RHOBTB1: variants seen among roughly 807,000 people sequenced by gnomAD.
RHOBTB1 encodes Rho related BTB domain containing 1.
In RHOBTB1, 40 loss-of-function variants were observed where a neutral mutation model predicts 71.6. The ratio of observed to expected loss-of-function variants is 0.56; its 90% confidence interval spans 0.43 to 0.73. The LOEUF is 0.73. Among genes scored for constraint, RHOBTB1 ranks in the 30% least tolerant of loss-of-function variants. The pLI is 0.00. For synonymous variants in RHOBTB1, 319 were observed against 334.9 expected, an observed-to-expected ratio of 0.95 and a Z score of 0.52; for missense variants, 797 against 894.0, an observed-to-expected ratio of 0.89 and a Z score of 1.38.
At chr10:60,889,781 T>C (rs1372139005) in intron 5 of RHOBTB1, among the ~76,000 whole-genome samples, 4 of 152,176 alleles carry the variant, frequency 2.6e-5, no homozygotes, top group African/African-American at 9.7e-5. Context: ...GGAATAATAA[T>C]AACAATGAGT....
At chr10:60,999,946 T>C (rs2087199196) in intron 1 of RHOBTB1, among the ~76,000 whole-genome samples, 1 of 152,246 alleles carries the variant, frequency 6.6e-6, no homozygotes. Context: ...CAAAGTTTCA[T>C]AGGATGTGAA....
chr10:60,879,645 G>A (rs149662770), intron 7 of RHOBTB1, among the ~76,000 whole-genome samples: 46 of 152,016 alleles, frequency 3.0e-4, no homozygotes, highest in African/African-American at 1.0e-3. Flanking sequence ...GTGACTGGCC[G>A]GTTATGAACT....
Position 60,888,955 on chromosome 10 carries a change from GC to G in RHOBTB1, c.712del (p.Ala238ProfsTer60), listed in dbSNP as rs1320244735. 3 of 1,614,054 alleles carry G rather than the reference GC, an allele frequency of 1.9e-6. No homozygotes were observed. Among genetic ancestry groups the G allele is most frequent in the Non-Finnish European group, 8.5e-7 (1 of 1,180,042 alleles). On this transcript the variant is annotated frameshift_variant, in exon 6 of 11. Transcript: ENST00000337910. LOFTEE classifies it high-confidence loss of function. ...TGGAATTTTGATGACCGGTGGAGGG[GC>G]TTTTGGAGGTAGGAAGGGTGCCTGA... ...LLQAPFLPPK[A>X]PPPVIKIPEC... is the part of the protein sequence containing the mutation.
At chr10:60,915,030 T>C (rs1288001416) in intron 2 of RHOBTB1, among the ~76,000 whole-genome samples, 1 of 152,196 alleles carries the variant, frequency 6.6e-6, no homozygotes, top group East Asian at 1.9e-4. Flanking sequence ...GAAAATCTTT[T>C]ATTTGGAGTA....
chr10:61,001,043 A>T (rs1245420226), intron 1 of RHOBTB1, among the ~76,000 whole-genome samples: 1 of 149,424 alleles, frequency 6.7e-6, no homozygotes, highest in Non-Finnish European at 1.5e-5. Flanking sequence ...CGCCTCCGCC[A>T]GTGTGTGTGT....
intron 2 of RHOBTB1, among the ~76,000 whole-genome samples, chr10:60,917,141 G>A (rs1040259127): frequency 2.6e-5 from 4 of 152,190 alleles, no homozygotes; most frequent in African/African-American, 7.2e-5. Context: ...AAGTTTTGAC[G>A]TTTGTTACAG....
rs2081739121 is a variant in RHOBTB1, at chr10:60,888,688, A to T, written c.980T>A (p.Val327Asp). 6.2e-7 allele frequency: 1 copy of T among 1,614,000 alleles called. No individual in the cohort carries two copies. Among genetic ancestry groups the T allele is most frequent in the African/African-American group, 1.3e-5 (1 of 74,910 alleles). The change falls in exon 6 of 11, where the codon GTC (valine) becomes GAC (aspartate). Residue 327 changes from valine (V) to aspartate (D), a missense_variant. Physicochemically the swap from Val to Asp is radical, Grantham distance 152. Around this residue, in one of 2 missense-constraint regions of RHOBTB1, gnomAD observed 658 missense variants for 681.5 expected, o/e 0.97. Coordinates refer to ENST00000337910, the MANE Select transcript of RHOBTB1 (RefSeq NM_014836.5). Reference protein sequence around the residue: ...SRDFQGRILSVDPEEEREEGP... With the variant: ...SRDFQGRILSDDPEEEREEGP... ...CTCCTCCCTTTCTTCCTCTGGGTCG[A>T]CACTCAATATCCGCCCCTGGAAATC...
At chr10:60,865,008 A>G (rs77100290), downstream of RHOBTB1, among the ~76,000 whole-genome samples, 1,675 of 152,272 alleles carry the variant, frequency 0.011, 45 homozygotes, top group African/African-American at 0.038. Context: ...TTATTTTAAA[A>G]GAAATCTCAG....
chr10:60,874,031 C>A (rs2080927479), intron 9 of RHOBTB1, among the ~76,000 whole-genome samples: 4 of 152,246 alleles, frequency 2.6e-5, no homozygotes, highest in African/African-American at 7.2e-5. Context: ...AGGGCCTGAG[C>A]AGCACCTGCT....
intron 2 of RHOBTB1, among the ~76,000 whole-genome samples, chr10:60,916,733 G>A (rs191425464): frequency 3.9e-5 from 6 of 152,280 alleles, no homozygotes; most frequent in East Asian, 1.9e-4. Context: ...CGGAATCCGC[G>A]GAACTTGTGA....
intron 2 of RHOBTB1, among the ~76,000 whole-genome samples, chr10:60,933,139 C>G (rs2084357096): frequency 6.6e-6 from 1 of 152,180 alleles, no homozygotes; most frequent in Non-Finnish European, 1.5e-5. Flanking sequence ...TTCTTAAGAT[C>G]TCTTACTTTA....
At chr10:60,968,307 G>A (rs1016131367) in intron 2 of RHOBTB1, among the ~76,000 whole-genome samples, 2 of 152,160 alleles carry the variant, frequency 1.3e-5, no homozygotes, top group African/African-American at 4.8e-5. Context: ...AGGTGTAGGA[G>A]TGTTCCTTTG....
At chr10:60,943,153 T>C (rs1403299225) in intron 1 of RHOBTB1, among the ~76,000 whole-genome samples, 1 of 152,232 alleles carries the variant, frequency 6.6e-6, no homozygotes, top group Non-Finnish European at 1.5e-5. Flanking sequence ...TGTGCTAACG[T>C]GCAAAGCGAA....
At chr10:60,977,535 T>C (rs2086356168) in intron 2 of RHOBTB1, among the ~76,000 whole-genome samples, 1 of 152,010 alleles carries the variant, frequency 6.6e-6, no homozygotes, top group Non-Finnish European at 1.5e-5. Flanking sequence ...CAGAGGCAAA[T>C]GATAAGATTT....
intron 4 of RHOBTB1, among the ~76,000 whole-genome samples, chr10:60,903,615 T>C (rs973650837): frequency 6.6e-6 from 1 of 151,986 alleles, no homozygotes; most frequent in Non-Finnish European, 1.5e-5. Context: ...TGGTGAAACG[T>C]TTCTTGCTAG....
At chr10:60,900,850 G>A (rs185015176) in intron 4 of RHOBTB1, among the ~76,000 whole-genome samples, 2 of 152,044 alleles carry the variant, frequency 1.3e-5, no homozygotes, top group African/African-American at 2.4e-5. Context: ...ATACGGCAGA[G>A]GTTAACCGGT....
rs186762120 is a variant in RHOBTB1, at chr10:60,939,394, A to T, written c.-11+2410T>A. On this transcript the variant is annotated intron_variant, in intron 2 of 10. Coordinates refer to ENST00000337910, the MANE Select transcript of RHOBTB1 (RefSeq NM_014836.5). ...TTCTATTTGTTTACAAACTAAAAAT[A>T]AAAAAATTATGATGCTAACAAATAA... Among the ~76,000 whole-genome samples the T allele has an allele frequency of 2.4e-4, 36 of 148,390 alleles. 1 individual carries two copies. The East Asian group carries it at 6.6e-3, about 27-fold the overall frequency.
At chr10:60,902,743 C>CATTT (rs1237463750) in intron 4 of RHOBTB1, among the ~76,000 whole-genome samples, 1 of 152,160 alleles carries the variant, frequency 6.6e-6, no homozygotes, top group Non-Finnish European at 1.5e-5. Flanking sequence ...GTTGATCCAT[C>CATTT]ATTTGTTATT....
At chr10:60,884,641 T>A (rs967939480) in intron 7 of RHOBTB1, among the ~76,000 whole-genome samples, 1 of 152,144 alleles carries the variant, frequency 6.6e-6, no homozygotes, top group African/African-American at 2.4e-5. Context: ...CACAATGGGA[T>A]ACTATATAGC....
Sources: allele counts gnomAD v4.1 joint callset (sites outside exome capture counted in the v4.1 genomes callset), GRCh38; gene constraint gnomAD v4.1.1; regional missense constraint gnomAD v4.1.1; transcripts MANE v1.5; gene names NCBI Gene and HGNC (gene_info 2026-07-23, HGNC 2026-07-21).